Variants in KCNIP1 observed in about 807,000 individuals in gnomAD.
KCNIP1 encodes the protein potassium voltage-gated channel interacting protein 1.
Under a neutral mutation model 33.0 loss-of-function variants are expected in KCNIP1, and 18 were observed. The observed-to-expected ratio is 0.55, with a 90% confidence interval of 0.38 to 0.81. The LOEUF (loss-of-function observed/expected upper bound fraction) is 0.81, where lower values mean the gene tolerates loss of function less well. Among genes scored for constraint, KCNIP1 ranks in the 30% least tolerant of loss-of-function variants. The pLI is 0.00. For synonymous variants in KCNIP1, 93 were observed against 98.3 expected (o/e 0.95, Z 0.32); for missense variants, 238 against 271.6 (o/e 0.88, Z 0.87).
intron 1 of KCNIP1, among the ~76,000 whole-genome samples, chr5:170,426,750 C>G (rs999778241): frequency 2.0e-5 from 3 of 152,248 alleles, no homozygotes; most frequent in Non-Finnish European, 4.4e-5. Flanking sequence ...ACTGCAGCAG[C>G]CAAGAAAGAA....
In KCNIP1 at chr5:170,635,230, T is replaced by C. The variant is rs547525046; in HGVS notation, c.62-83528T>C. Among the ~76,000 whole-genome samples, 129 of 152,222 alleles carry C rather than the reference T, an allele frequency of 8.5e-4. 1 individual carries two copies. Among genetic ancestry groups the C allele is most frequent in the Non-Finnish European group, 1.5e-3 (103 of 68,002 alleles). ...TTTTTAGTAGAGACGGGGTTTCATCTTGTTGGCCAGGCTTGTCTCAAACAC... is the reference window on the plus strand; with the variant it reads ...TTTTTAGTAGAGACGGGGTTTCATCCTGTTGGCCAGGCTTGTCTCAAACAC... On this transcript the variant is annotated intron_variant, in intron 1 of 7. Coordinates refer to ENST00000328939, the MANE Select transcript of KCNIP1 (RefSeq NM_014592.4).
At chr5:170,432,975 G>T (rs904167027) in intron 1 of KCNIP1, among the ~76,000 whole-genome samples, 1 of 149,704 alleles carries the variant, frequency 6.7e-6, no homozygotes, top group Non-Finnish European at 1.5e-5. Flanking sequence ...CTTTAAAGAA[G>T]TGACATTTAA....
At chr5:170,432,745 A>G (rs76700862) in intron 1 of KCNIP1, among the ~76,000 whole-genome samples, 344 of 152,294 alleles carry the variant, frequency 2.3e-3, no homozygotes, top group African/African-American at 8.0e-3. Flanking sequence ...CTCTTTCCCT[A>G]CATTTTGTTA....
At chr5:170,596,351 C>T (rs374157804) in intron 1 of KCNIP1, among the ~76,000 whole-genome samples, 1 of 152,210 alleles carries the variant, frequency 6.6e-6, no homozygotes, top group South Asian at 2.1e-4. Flanking sequence ...TCATCATGGG[C>T]AGCTGCCTCT....
intron 1 of KCNIP1, among the ~76,000 whole-genome samples, chr5:170,589,308 A>G (rs78399885): frequency 0.086 from 13,164 of 152,194 alleles, 625 homozygotes; most frequent in South Asian, 0.12. Flanking sequence ...CAGCGAGCTC[A>G]TACTTTCATG....
chr5:170,569,258 A>T (rs1039486314), intron 1 of KCNIP1, among the ~76,000 whole-genome samples: 2 of 152,218 alleles, frequency 1.3e-5, no homozygotes, highest in African/African-American at 4.8e-5. Flanking sequence ...GCCCGTTCTG[A>T]CCCAGGTCGA....
At chr5:170,721,258 G>T (rs1368550506) in intron 3 of KCNIP1, among the ~76,000 whole-genome samples, 2 of 152,172 alleles carry the variant, frequency 1.3e-5, no homozygotes, top group African/African-American at 4.8e-5. Context: ...TCCCATGCAG[G>T]CCCCAGAATT....
At chr5:170,467,262 A>G (rs1391121888) in intron 1 of KCNIP1, among the ~76,000 whole-genome samples, 3 of 152,166 alleles carry the variant, frequency 2.0e-5, no homozygotes, top group Admixed American at 6.5e-5. Context: ...TATTGTATTT[A>G]AGAGAGAGAC....
intron 1 of KCNIP1, among the ~76,000 whole-genome samples, chr5:170,487,403 C>T (rs748919534): frequency 3.3e-5 from 5 of 152,140 alleles, no homozygotes; most frequent in Non-Finnish European, 7.3e-5. Flanking sequence ...CAAGTTGACA[C>T]GCAAAATTAA....
chr5:170,710,300 T>C (rs1763401892), intron 1 of KCNIP1, among the ~76,000 whole-genome samples: 1 of 152,276 alleles, frequency 6.6e-6, no homozygotes, highest in Non-Finnish European at 1.5e-5. Flanking sequence ...TTAATTTGGA[T>C]AACATATTTT....
Position 170,591,489 on chromosome 5 carries a change from C to T in KCNIP1, c.61+86856C>T, listed in dbSNP as rs559978867. ...TTACCATCTTAACCATTTTGGAGTGCGCAGTTCAGTACCACCAAGTACCTT... is the reference window on the plus strand; with the variant it reads ...TTACCATCTTAACCATTTTGGAGTGTGCAGTTCAGTACCACCAAGTACCTT... On this transcript the variant is annotated intron_variant, in intron 1 of 7. Coordinates refer to ENST00000328939, the MANE Select transcript of KCNIP1 (RefSeq NM_014592.4). Among the ~76,000 whole-genome samples the T allele has an allele frequency of 5.9e-5, 9 of 152,252 alleles. No individual in the cohort carries two copies. The East Asian group carries it at 1.5e-3, about 26-fold the overall frequency.
intron 1 of KCNIP1, among the ~76,000 whole-genome samples, chr5:170,655,945 G>T (rs1336725325): frequency 6.6e-6 from 1 of 152,214 alleles, no homozygotes; most frequent in Non-Finnish European, 1.5e-5. Flanking sequence ...GCCCTGGAAA[G>T]GCCTTGGGCC....
intron 1 of KCNIP1, among the ~76,000 whole-genome samples, chr5:170,475,065 C>A (rs1240692705): frequency 6.6e-6 from 1 of 152,160 alleles, no homozygotes; most frequent in Non-Finnish European, 1.5e-5. Context: ...GTCTATTTTA[C>A]AAACCTCTAG....
chr5:170,573,967 C>T (rs898458640), intron 1 of KCNIP1, among the ~76,000 whole-genome samples: 1 of 152,198 alleles, frequency 6.6e-6, no homozygotes, highest in Non-Finnish European at 1.5e-5. Flanking sequence ...GGATTGCAAC[C>T]TCTGCATAAA....
At chr5:170,683,130 T>C (rs1270925027) in intron 1 of KCNIP1, among the ~76,000 whole-genome samples, 1 of 152,204 alleles carries the variant, frequency 6.6e-6, no homozygotes, top group African/African-American at 2.4e-5. Flanking sequence ...AGAGAACATA[T>C]GTTGAGAACT....
chr5:170,593,801 C>T (rs1298805208), intron 1 of KCNIP1, among the ~76,000 whole-genome samples: 3 of 152,094 alleles, frequency 2.0e-5, no homozygotes, highest in Non-Finnish European at 4.4e-5. Context: ...GCCACAGCAG[C>T]GTGGACCTCA....
In KCNIP1 at chr5:170,610,699, G is replaced by A. The variant is rs146935211; in HGVS notation, c.61+106066G>A. ...ATTTTATGTATTCCATGGAGTTGCTGTAAAAATTCAATGGGCTAACAGACC... is the reference window on the plus strand; with the variant it reads ...ATTTTATGTATTCCATGGAGTTGCTATAAAAATTCAATGGGCTAACAGACC... On this transcript the variant is annotated intron_variant, in intron 1 of 7. Coordinates refer to ENST00000328939, the MANE Select transcript of KCNIP1 (RefSeq NM_014592.4). Among the ~76,000 whole-genome samples, 237 of 152,306 alleles carry A rather than the reference G, an allele frequency of 1.6e-3. 1 individual carries two copies. Among genetic ancestry groups the A allele is most frequent in the African/African-American group, 5.4e-3 (223 of 41,570 alleles).
In KCNIP1 at chr5:170,621,499, C is replaced by G. The variant is rs144420445; in HGVS notation, c.62-97259C>G. Among the ~76,000 whole-genome samples, 352 of 152,196 alleles carry G rather than the reference C, an allele frequency of 2.3e-3. 2 individuals carry two copies. The highest frequency in any genetic ancestry group is 8.2e-3 in the African/African-American group (341 of 41,514). ...CTTGAATCTCTGCAGGTCAGTCATA[C>G]TCCTCTTTATTATTTTTATTTTTAT... On this transcript the variant is annotated intron_variant, in intron 1 of 7. Coordinates refer to ENST00000328939, the MANE Select transcript of KCNIP1 (RefSeq NM_014592.4).
rs546842261 is a variant in KCNIP1, at chr5:170,726,468, T to A, written c.435+3648T>A. 1.8e-4 allele frequency among the ~76,000 whole-genome samples: 27 copies of A among 152,246 alleles called. 1 individual carries two copies. In the South Asian group the frequency reaches 5.2e-3, roughly 29 times the overall value. On this transcript the variant is annotated intron_variant, in intron 5 of 7. Transcript: ENST00000328939. ...GAATGGCCACAATTAAAAAGACTGA[T>A]AATACCAAGCATTGGCAAAGATGTG...
Sources: allele counts gnomAD v4.1 joint callset (sites outside exome capture counted in the v4.1 genomes callset), GRCh38; gene constraint gnomAD v4.1.1; transcripts MANE v1.5; gene names NCBI Gene and HGNC (gene_info 2026-07-23, HGNC 2026-07-21).